The following HMBOX1 variants were observed in gnomAD, a reference collection of about 807,000 sequenced individuals.
The protein encoded by HMBOX1 is homeobox containing 1, also known as homeobox-containing protein 1.
Under a neutral mutation model 54.5 loss-of-function variants are expected in HMBOX1, and 14 were observed. The ratio of observed to expected loss-of-function variants is 0.26; its 90% CI spans 0.17 to 0.40. HMBOX1 has a LOEUF of 0.40. Among genes scored for constraint, HMBOX1 ranks in the 10% least tolerant of loss-of-function variants. HMBOX1 has a pLI of 1.00. For synonymous variants in HMBOX1, 160 were observed against 181.0 expected, an observed-to-expected ratio of 0.88 and a Z score of 0.93; for missense variants, 332 against 514.4, an observed-to-expected ratio of 0.65 and a Z score of 3.43.
chr8:28,935,437 G>C (rs1363267914), intron 1 of HMBOX1, among the ~76,000 whole-genome samples: 1 of 152,164 alleles, frequency 6.6e-6, no homozygotes, highest in Non-Finnish European at 1.5e-5. Context: ...TGGCGAATAT[G>C]CTAAGGTAAT....
At chr8:29,004,298 G>T (rs1161534086) in intron 4 of HMBOX1, among the ~76,000 whole-genome samples, 1 of 152,120 alleles carries the variant, frequency 6.6e-6, no homozygotes, top group Admixed American at 6.5e-5. Context: ...GAATTCTGAG[G>T]GTTACTAACA....
chr8:29,035,927 T>A (rs1472767326), intron 6 of HMBOX1, among the ~76,000 whole-genome samples: 1 of 152,180 alleles, frequency 6.6e-6, no homozygotes, highest in Admixed American at 6.5e-5. Context: ...ATAGACATGA[T>A]TAAAAGATAA....
intron 1 of HMBOX1, among the ~76,000 whole-genome samples, chr8:28,906,698 T>G (rs2131619287): frequency 6.6e-6 from 1 of 152,332 alleles, no homozygotes; most frequent in East Asian, 1.9e-4. Context: ...CAAGGGATTC[T>G]CCTGCCTCAG....
chr8:28,990,600 T>C (rs958757226), intron 4 of HMBOX1, among the ~76,000 whole-genome samples: 13 of 152,136 alleles, frequency 8.5e-5, no homozygotes, highest in Non-Finnish European at 1.3e-4. Context: ...CATTCTGGGT[T>C]TATGTTTTAC....
rs1375674042 is a variant in HMBOX1 at position 29,051,728 on chromosome 8, G to A, written c.*573G>A. On this transcript the variant is annotated 3_prime_UTR_variant, in exon 10 of 10. Coordinates refer to ENST00000287701, the MANE Select transcript of HMBOX1 (RefSeq NM_001135726.3). ...CTGTGGCTAGATTATACTTCTTTGG[G>A]TGCTGTGCTAAGAATGTCAATGGAA... 3 of 659,304 alleles carry A rather than the reference G, an allele frequency of 4.6e-6. No homozygotes were observed. In the African/African-American group the frequency reaches 5.3e-5, roughly 12 times the overall value. The allele number at this position is 659,304 out of a possible 1,614,324, so 40.8% of individuals were successfully genotyped here.
At position 28,997,381 on chromosome 8, in the gene HMBOX1, T is replaced by C. The variant is rs530610643; in HGVS notation, c.587-11691T>C. Reference sequence around the variant, plus strand: ...TAGTTATGTGGATTTTGTCATTTATTGATGTGACTGTATTACATTGATTTT... The same window carrying C: ...TAGTTATGTGGATTTTGTCATTTATCGATGTGACTGTATTACATTGATTTT... On this transcript the variant is annotated intron_variant, in intron 4 of 9. Transcript: ENST00000287701. 1.6e-4 allele frequency among the ~76,000 whole-genome samples: 25 copies of C among 152,348 alleles called. No individual in the cohort carries two copies. In the South Asian group the frequency reaches 5.0e-3, roughly 30 times the overall value.
At position 28,897,533 on chromosome 8, in the gene HMBOX1, G is replaced by A. The variant is rs528304697; in HGVS notation, c.-58+6855G>A. Among the ~76,000 whole-genome samples the A allele has an allele frequency of 8.5e-5, 13 of 152,070 alleles. 1 individual carries two copies. The South Asian group carries it at 2.3e-3, about 27-fold the overall frequency. On this transcript the variant is annotated intron_variant, in intron 1 of 9. Transcript: ENST00000287701. ...CTACTAAAAATACAAAAATATAGCC[G>A]GGCGTGGTGGCACACACCTGTACTC...
chr8:28,902,620 A>G (rs913770929), intron 1 of HMBOX1, among the ~76,000 whole-genome samples: 8 of 152,188 alleles, frequency 5.3e-5, no homozygotes, highest in South Asian at 2.1e-4. Context: ...GGTGGCTTCA[A>G]GGTAGCCAGA....
chr8:28,959,302 A>G (rs1012929917), intron 1 of HMBOX1, among the ~76,000 whole-genome samples: 2 of 152,184 alleles, frequency 1.3e-5, no homozygotes, highest in Admixed American at 6.5e-5. Flanking sequence ...GTTAGATACC[A>G]GGACAGTCAG....
intron 5 of HMBOX1, among the ~76,000 whole-genome samples, chr8:29,013,369 C>T (rs981097216): frequency 5.9e-5 from 9 of 152,172 alleles, no homozygotes; most frequent in Admixed American, 1.3e-4. Context: ...CTCCTGACCT[C>T]GTGATCCACC....
rs1222807502 is a variant in HMBOX1 at position 28,970,979 on chromosome 8, ATGACACACACACAC to A, written c.500+461_500+474del. 8.9e-6 allele frequency among the ~76,000 whole-genome samples: 1 copy of A among 112,202 alleles called. No individual in the cohort carries two copies. The highest frequency in any genetic ancestry group is 1.8e-5 in the Non-Finnish European group (1 of 54,696). 73.6% of individuals were successfully genotyped at this position (112,202 alleles called of 152,430 possible). ...ATATAGGTTCTAATTTTAGCAATAG[ATGACACACACACAC>A]ACACACACACACACACACACACACA... is the stretch of plus-strand genomic sequence containing the variant. On this transcript the variant is annotated intron_variant, in intron 3 of 9. Coordinates refer to ENST00000287701, the MANE Select transcript of HMBOX1 (RefSeq NM_001135726.3). This position sits in a 1 kb window ranked among gnomAD's most constrained non-coding sequence, Gnocchi z 4.3.
At chr8:28,982,682 A>G (rs1204360430) in intron 4 of HMBOX1, among the ~76,000 whole-genome samples, 4 of 151,322 alleles carry the variant, frequency 2.6e-5, no homozygotes, top group Admixed American at 2.0e-4. Flanking sequence ...CTAGAGTGCA[A>G]TGGTGCGATC....
rs1289486238 is a variant in HMBOX1 at position 28,990,628 on chromosome 8, TTTTTTTGTTTTG to T, written c.586+10483_586+10494del. Among the ~76,000 whole-genome samples the T allele has an allele frequency of 1.3e-4, 20 of 152,162 alleles. No homozygotes were observed. The South Asian group carries it at 4.1e-3, about 32-fold the overall frequency. ...TGTTTTACTTCCTGTGTTCTTTCTA[TTTTTTTGTTTTG>T]TTTTTTGTTTGTTTGTTTTTTTGTT... On this transcript the variant is annotated intron_variant, in intron 4 of 9. Transcript: ENST00000287701.
chr8:28,963,233 C>T (rs1825908031), intron 1 of HMBOX1, among the ~76,000 whole-genome samples: 1 of 152,220 alleles, frequency 6.6e-6, no homozygotes, highest in Admixed American at 6.5e-5. Context: ...ATCCACCCGC[C>T]TCAGCCTCCT....
intron 1 of HMBOX1, among the ~76,000 whole-genome samples, chr8:28,905,706 G>A (rs1345653648): frequency 6.6e-6 from 1 of 152,122 alleles, no homozygotes; most frequent in Non-Finnish European, 1.5e-5. Flanking sequence ...GCTACCAGCT[G>A]GCCTTATCCT....
chr8:28,935,939 G>A (rs2131959173), intron 1 of HMBOX1, among the ~76,000 whole-genome samples: 1 of 151,700 alleles, frequency 6.6e-6, no homozygotes, highest in Admixed American at 6.6e-5. Context: ...TTCTTTTTTT[G>A]TAAAATGGTA....
At chr8:28,992,692 A>G (rs1300238557) in intron 4 of HMBOX1, among the ~76,000 whole-genome samples, 1 of 151,752 alleles carries the variant, frequency 6.6e-6, no homozygotes, top group Non-Finnish European at 1.5e-5. Context: ...AACATAGTGA[A>G]TCCCCATCTC....
At chr8:29,022,726 G>A (rs1801380209) in intron 6 of HMBOX1, among the ~76,000 whole-genome samples, 1 of 151,850 alleles carries the variant, frequency 6.6e-6, no homozygotes, top group Admixed American at 6.6e-5. Context: ...ATTTTAAAAT[G>A]GAGGAATAAA....
At chr8:28,966,164 G>A (rs1301452601) in intron 2 of HMBOX1, among the ~76,000 whole-genome samples, 1 of 152,142 alleles carries the variant, frequency 6.6e-6, no homozygotes, top group Non-Finnish European at 1.5e-5. Flanking sequence ...TTTAGCTTAT[G>A]AAAGTATATT....
Sources: allele counts gnomAD v4.1 joint callset (sites outside exome capture counted in the v4.1 genomes callset), GRCh38; gene constraint gnomAD v4.1.1; non-coding constraint Gnocchi (gnomAD v3.1); transcripts MANE v1.5; gene names NCBI Gene and HGNC (gene_info 2026-07-23, HGNC 2026-07-21).